DLGAP1: variants seen among roughly 807,000 people sequenced by gnomAD.
DLGAP1 encodes DLG associated protein 1.
A neutral mutation model predicts 90.8 loss-of-function variants in DLGAP1; 11 were observed. That is an observed-to-expected ratio of 0.12 (90% CI 0.08 to 0.20). The LOEUF (loss-of-function observed/expected upper bound fraction) is 0.20. DLGAP1 is among the 10% of genes least tolerant of loss of function. The pLI is 1.00. For synonymous variants in DLGAP1, 558 were observed against 540.7 expected (o/e 1.03, Z -0.44); for missense variants, 1,050 against 1,333.8 (o/e 0.79, Z 3.31).
chr18:4,267,521 C>T (rs535622534), intron 1 of DLGAP1, among the ~76,000 whole-genome samples: 122 of 152,174 alleles, frequency 8.0e-4, no homozygotes, highest in African/African-American at 2.9e-3. Flanking sequence ...TGTGAGTAAT[C>T]ATAAAATCTC....
chr18:3,633,125 C>T (rs538491729), intron 7 of DLGAP1, among the ~76,000 whole-genome samples: 145 of 152,216 alleles, frequency 9.5e-4, no homozygotes, highest in Middle Eastern at 3.4e-3. Flanking sequence ...GGGCTGGGCA[C>T]GGTGGCTCAT....
At chr18:4,034,935 T>C (rs990080116) in intron 2 of DLGAP1, among the ~76,000 whole-genome samples, 2 of 152,138 alleles carry the variant, frequency 1.3e-5, no homozygotes, top group African/African-American at 4.8e-5. Flanking sequence ...AGTCTTCTTG[T>C]TCTGTCCTTG....
chr18:3,533,129 CA>C (rs1187648948), intron 10 of DLGAP1, among the ~76,000 whole-genome samples: 1 of 151,976 alleles, frequency 6.6e-6, no homozygotes, highest in Non-Finnish European at 1.5e-5. Context: ...CCGTCTCTAC[CA>C]AAAATACAAA....
chr18:3,769,251 T>C (rs573715992), intron 5 of DLGAP1, among the ~76,000 whole-genome samples: 1 of 152,264 alleles, frequency 6.6e-6, no homozygotes, highest in Non-Finnish European at 1.5e-5. Context: ...CAGCAACAAA[T>C]GTTGGTGAGG....
At chr18:4,167,809 T>G (rs2076956436) in intron 1 of DLGAP1, among the ~76,000 whole-genome samples, 1 of 152,134 alleles carries the variant, frequency 6.6e-6, no homozygotes, top group Non-Finnish European at 1.5e-5. Context: ...ACAGTGAACA[T>G]GTGGAAACAA....
At chr18:3,792,140 T>G (rs532192929) in intron 5 of DLGAP1, among the ~76,000 whole-genome samples, 2 of 152,272 alleles carry the variant, frequency 1.3e-5, no homozygotes, top group Middle Eastern at 6.8e-3. Flanking sequence ...CTCACGGGCC[T>G]GCAGGGCAGC....
At chr18:3,542,371 G>C (rs1568162661) in intron 9 of DLGAP1, among the ~76,000 whole-genome samples, 1 of 152,194 alleles carries the variant, frequency 6.6e-6, no homozygotes, top group South Asian at 2.1e-4. Context: ...AGGCTGGAGA[G>C]TTGATGAGGC....
intron 9 of DLGAP1, among the ~76,000 whole-genome samples, chr18:3,536,268 G>A (rs185160134): frequency 0.012 from 1,726 of 146,284 alleles, 22 homozygotes; most frequent in African/African-American, 0.026. Flanking sequence ...CTGTTGCCCA[G>A]GCTGGAGTGC....
At chr18:4,190,219 G>C (rs2077371163) in intron 1 of DLGAP1, among the ~76,000 whole-genome samples, 1 of 152,056 alleles carries the variant, frequency 6.6e-6, no homozygotes, top group Admixed American at 6.6e-5. Flanking sequence ...AAAAGACATG[G>C]AGGAAGTTGA....
chr18:4,313,111 T>C lies in DLGAP1; in HGVS notation c.-267+141895A>G, dbSNP rs139727651. Among the ~76,000 whole-genome samples, 3 of 152,340 alleles carry C rather than the reference T, an allele frequency of 2.0e-5. No homozygotes were observed. In the East Asian group the frequency reaches 5.8e-4, roughly 29 times the overall value. ...GTCATATTCAGTCTTCCAACAAATGTTTACTGCTTGCAATGTTTATGGTGC... is the reference window on the plus strand; with the variant it reads ...GTCATATTCAGTCTTCCAACAAATGCTTACTGCTTGCAATGTTTATGGTGC... On this transcript the variant is annotated intron_variant, in intron 1 of 12. Coordinates refer to ENST00000315677, the MANE Select transcript of DLGAP1 (RefSeq NM_004746.4).
chr18:3,642,924 C>T (rs567973929), intron 7 of DLGAP1, among the ~76,000 whole-genome samples: 62 of 152,308 alleles, frequency 4.1e-4, no homozygotes, highest in African/African-American at 1.3e-3. Flanking sequence ...ACACTTTCAC[C>T]CAACAATTCA....
intron 1 of DLGAP1, among the ~76,000 whole-genome samples, chr18:4,238,732 A>C (rs1407638101): frequency 6.6e-6 from 1 of 152,188 alleles, no homozygotes; most frequent in African/African-American, 2.4e-5. Flanking sequence ...GGTTACTGAA[A>C]GCAAATGAGC....
At chr18:3,561,436 CAAAAAAA>C (rs68086553) in intron 9 of DLGAP1, among the ~76,000 whole-genome samples, 7 of 76,366 alleles carry the variant, frequency 9.2e-5, no homozygotes, top group South Asian at 4.4e-4. Context: ...ACTCCATCTC[CAAAAAAA>C]AAAAAAAAAA....
At chr18:3,843,362 T>A (rs1227453424) in intron 4 of DLGAP1, among the ~76,000 whole-genome samples, 2 of 152,164 alleles carry the variant, frequency 1.3e-5, no homozygotes, top group African/African-American at 4.8e-5. Context: ...CACCCTCAAG[T>A]TGGTTTTATG....
At chr18:3,573,986 G>A (rs983286250) in intron 8 of DLGAP1, among the ~76,000 whole-genome samples, 1 of 152,162 alleles carries the variant, frequency 6.6e-6, no homozygotes, top group African/African-American at 2.4e-5. Context: ...ACAAGTGTGA[G>A]CCACTGAGCC....
At chr18:4,320,649 G>A (rs1005850258) in intron 1 of DLGAP1, among the ~76,000 whole-genome samples, 3 of 151,516 alleles carry the variant, frequency 2.0e-5, no homozygotes, top group Non-Finnish European at 4.4e-5. Context: ...TTGCCCTCAT[G>A]CATAAGGAAT....
chr18:4,333,868 G>A (rs533242324), intron 1 of DLGAP1, among the ~76,000 whole-genome samples: 4 of 151,122 alleles, frequency 2.6e-5, no homozygotes, highest in South Asian at 2.1e-4. Flanking sequence ...CCAAAGTGCC[G>A]GGACCACAGG....
chr18:3,890,361 C>T (rs978693797), intron 3 of DLGAP1, among the ~76,000 whole-genome samples: 5 of 152,182 alleles, frequency 3.3e-5, no homozygotes, highest in South Asian at 2.1e-4. Flanking sequence ...TCTCTGCAAT[C>T]GGCTGTTTTT....
At chr18:3,501,474 G>A (rs967138108) in intron 12 of DLGAP1, among the ~76,000 whole-genome samples, 1 of 152,128 alleles carries the variant, frequency 6.6e-6, no homozygotes, top group Non-Finnish European at 1.5e-5. Context: ...TGACAGAATT[G>A]GAAACGGGGG....
Sources: gnomAD v4.1 joint callset for allele counts (sites outside exome capture counted in the v4.1 genomes callset) on GRCh38, gnomAD v4.1.1 for gene constraint, MANE v1.5 for transcripts, NCBI Gene and HGNC (gene_info 2026-07-23, HGNC 2026-07-21) for gene names.